The following XRCC1 variants were observed in gnomAD, a reference collection of about 807,000 sequenced individuals.
The protein encoded by XRCC1 is X-ray repair cross complementing 1.
XRCC1 carries 52 observed loss-of-function variants against 83.3 expected under a neutral mutation model. The observed-to-expected ratio is 0.62, with a 90% CI of 0.50 to 0.79. The LOEUF is 0.79. Ranked by LOEUF, XRCC1 falls within the 30% of genes least tolerant of loss-of-function variation. The pLI is 0.00. For synonymous variants in XRCC1, 281 were observed against 312.6 expected, an observed-to-expected ratio of 0.90 and a Z score of 1.07; for missense variants, 793 against 823.5, an observed-to-expected ratio of 0.96 and a Z score of 0.45.
At position 43,559,372 on chromosome 19, in the gene XRCC1, A is replaced by C. The variant is rs551246258; in HGVS notation, c.255+1538T>G. Among the ~76,000 whole-genome samples the C allele has an allele frequency of 2.8e-5, 4 of 145,074 alleles. No homozygotes were observed. In the South Asian group the frequency reaches 6.6e-4, roughly 24 times the overall value. ...GTGGCACGTGCCTGTAGTCCCAGCT[A>C]CTCCGGAGGCTGAGGCAGAATGGCG... On this transcript the variant is annotated intron_variant, in intron 3 of 16. Coordinates refer to ENST00000262887, the MANE Select transcript of XRCC1 (RefSeq NM_006297.3).
chr19:43,559,208 G>A (rs1972670101), intron 3 of XRCC1, among the ~76,000 whole-genome samples: 1 of 151,640 alleles, frequency 6.6e-6, no homozygotes, highest in African/African-American at 2.4e-5. Flanking sequence ...AAAGGGCCGG[G>A]TGCGGTGGCT....
intron 3 of XRCC1, among the ~76,000 whole-genome samples, chr19:43,557,894 A>T (rs1279239902): frequency 6.7e-6 from 1 of 148,580 alleles, no homozygotes; most frequent in African/African-American, 2.5e-5. Flanking sequence ...TGTGCCTTTG[A>T]TGTTTTTGAA....
At chr19:43,567,109 G>C (rs899416632) in intron 2 of XRCC1, among the ~76,000 whole-genome samples, 1 of 152,044 alleles carries the variant, frequency 6.6e-6, no homozygotes, top group African/African-American at 2.4e-5. Context: ...TCCAGAATAC[G>C]CAAATCCAGA....
chr19:43,575,165 T>C (rs1972843986), intron 1 of XRCC1, among the ~76,000 whole-genome samples, 163 bp from the exon 2 acceptor site: 1 of 152,138 alleles, frequency 6.6e-6, no homozygotes, highest in Non-Finnish European at 1.5e-5. Flanking sequence ...CCTACAACAC[T>C]TTCCCGTGGA....
At chr19:43,543,769 T>TGGG in intron 15 of XRCC1, 82 bp from the exon 16 acceptor site, 6 of 1,336,740 alleles carry the variant, frequency 4.5e-6, no homozygotes, top group Non-Finnish European at 5.3e-6. Context: ...TCTCAATGGC[T>TGGG]GTCCCCACAC....
intron 10 of XRCC1, among the ~76,000 whole-genome samples, chr19:43,548,775 A>AAAAAAAAAAAAAAAAAAAAAAAAC (rs1568512405): frequency 7.9e-6 from 1 of 126,098 alleles, no homozygotes; most frequent in African/African-American, 3.0e-5. Flanking sequence ...TCAAAAAAAA[A>AAAAAAAAAAAAAAAAAAAAAAAAC]AAAAAAAAAA....
At chr19:43,574,866 G>A (rs1972838512) in intron 2 of XRCC1, 44 bp downstream of exon 2, 1 of 1,529,592 alleles carries the variant, frequency 6.5e-7, no homozygotes, top group South Asian at 1.1e-5. Context: ...TGGAACCCCG[G>A]ACTCCAGACT....
intron 10 of XRCC1, among the ~76,000 whole-genome samples, chr19:43,550,080 C>G (rs2146047320): frequency 6.6e-6 from 1 of 152,238 alleles, no homozygotes; most frequent in Non-Finnish European, 1.5e-5. Flanking sequence ...CTGCCCCCAT[C>G]AAACCTTCTG....
At chr19:43,572,201 T>A (rs1972812154) in intron 2 of XRCC1, among the ~76,000 whole-genome samples, 1 of 152,178 alleles carries the variant, frequency 6.6e-6, no homozygotes, top group Admixed American at 6.6e-5. Flanking sequence ...GGTAACAGAA[T>A]GAAATGTGAT....
At chr19:43,558,980 T>A (rs1025202462) in intron 3 of XRCC1, among the ~76,000 whole-genome samples, 3 of 151,546 alleles carry the variant, frequency 2.0e-5, no homozygotes, top group Admixed American at 6.6e-5. Flanking sequence ...CTACAAAAAA[T>A]TTTTTAAAAA....
intron 1 of XRCC1, among the ~76,000 whole-genome samples, 163 bp downstream of exon 1, chr19:43,575,245 C>T (rs958410451): frequency 2.6e-5 from 4 of 152,186 alleles, no homozygotes; most frequent in Non-Finnish European, 4.4e-5. Flanking sequence ...CCCTAGACGC[C>T]GGAACGTCCC....
chr19:43,547,759 CAA>C (rs1468228626), intron 10 of XRCC1, among the ~76,000 whole-genome samples: 2 of 152,142 alleles, frequency 1.3e-5, no homozygotes, highest in Non-Finnish European at 2.9e-5. Flanking sequence ...CTCAGCCTCC[CAA>C]AGTGCTGGGA....
At position 43,546,664 on chromosome 19, in the gene XRCC1, T is replaced by G. The variant is rs766770587; in HGVS notation, c.1357A>C (p.Thr453Pro). 5 of 1,610,750 alleles carry G rather than the reference T, an allele frequency of 3.1e-6. No individual in the cohort carries two copies. The highest frequency in any genetic ancestry group is 8.5e-7 in the Non-Finnish European group (1 of 1,179,158). The stretch of plus-strand genomic sequence containing the variant: ...GAGGCTGCTTTGGTCTCTTCAGGGG[T>G]TGGGGGCTTCTGGGGTGAGCTGGGT... ...AGPSSPQKPP[T>P]PEETKAASPV... is the part of the protein sequence containing the mutation. Residue 453 changes from threonine to proline, a missense_variant, in exon 12 of 17, where the codon ACC (threonine) becomes CCC (proline). Physicochemically the swap from Thr to Pro is conservative, Grantham distance 38. Coordinates refer to ENST00000262887, the MANE Select transcript of XRCC1 (RefSeq NM_006297.3).
rs569539004 is a variant in XRCC1 at position 43,546,281 on chromosome 19, C to T, written c.1427-175G>A. 1.3e-4 allele frequency among the ~76,000 whole-genome samples: 19 copies of T among 150,668 alleles called. 1 individual carries two copies. The South Asian group carries it at 4.0e-3, about 32-fold the overall frequency. On this transcript the variant is annotated intron_variant, in intron 12 of 16. Coordinates refer to ENST00000262887, the MANE Select transcript of XRCC1 (RefSeq NM_006297.3). ...TCTGATCCAGGAGTCCAGGCCCCAG[C>T]CCCTCCTCCCTCAGACCCAGGAGTC...
intron 2 of XRCC1, among the ~76,000 whole-genome samples, chr19:43,564,147 G>A (rs1972728736): frequency 6.6e-6 from 1 of 152,168 alleles, no homozygotes; most frequent in Admixed American, 6.6e-5. Flanking sequence ...CCAAGTGCCT[G>A]GAATACTGCC....
chr19:43,555,101 C>T (rs971200959), intron 3 of XRCC1: 2 of 248,116 alleles, frequency 8.1e-6, no homozygotes, highest in East Asian at 7.7e-5. Flanking sequence ...GGAACTTTCC[C>T]GGCAGAGAAT....
In XRCC1 at chr19:43,552,354, C is replaced by T. The variant is rs1394684484; in HGVS notation, c.824-79G>A. On this transcript the variant is annotated intron_variant, in intron 8 of 16. Coordinates refer to ENST00000262887, the MANE Select transcript of XRCC1 (RefSeq NM_006297.3). ...CCCCTCCTCCCTCAGACCCAGCAGT[C>T]CAGGCCCCAGACCCTCCTCCCTCAG... 4.6e-6 allele frequency: 5 copies of T among 1,085,376 alleles called. No individual in the cohort carries two copies. The South Asian group carries it at 5.9e-5, about 13-fold the overall frequency. 67.2% of individuals were successfully genotyped at this position (1,085,376 alleles called of 1,614,324 possible). A position where few individuals can be genotyped will look rare whatever the true frequency, so the allele number is the denominator to read the frequency against.
At chr19:43,562,323 G>A (rs992047549) in intron 2 of XRCC1, among the ~76,000 whole-genome samples, 1 of 152,110 alleles carries the variant, frequency 6.6e-6, no homozygotes, top group African/African-American at 2.4e-5. Context: ...GCCTGGACTT[G>A]GGGTGAGGTA....
Position 43,552,058 on chromosome 19 carries a change from G to A in XRCC1, c.1041C>T (p.Ala347=). The change falls in exon 9 of 17, where the codon GCC becomes GCT. Residue 347 remains alanine, a synonymous_variant. Transcript: ENST00000262887. ...CCCGGGTCCAGTCTGGCCGATACTT[G>A]GCCCCAAGCTCTAGGGCCTTATCTC... The part of the protein sequence containing the change: ...ELRDKALELG[A]KYRPDWTRDS... 6.2e-7 allele frequency: 1 copy of A among 1,614,092 alleles called. No homozygotes were observed.
Sources: allele counts gnomAD v4.1 joint callset (sites outside exome capture counted in the v4.1 genomes callset), GRCh38; gene constraint gnomAD v4.1.1; transcripts MANE v1.5; gene names NCBI Gene and HGNC (gene_info 2026-07-23, HGNC 2026-07-21).